Variants in DMD observed in about 807,000 individuals in gnomAD.
DMD encodes mutant dystrophin.
A neutral mutation model predicts 330.1 loss-of-function variants in DMD; 63 were observed. The ratio of observed to expected loss-of-function variants is 0.19; its 90% CI spans 0.16 to 0.24. The LOEUF is 0.24. Ranked by LOEUF, DMD falls within the 10% of genes least tolerant of loss-of-function variation. The pLI is 1.00. For missense variants in DMD, 3,344 were observed against 2,684.1 expected (o/e 1.25, Z -5.43); for synonymous variants, 1,223 against 959.8 (o/e 1.27, Z -5.07).
intron 15 of DMD, among the ~76,000 whole-genome samples, chrX:32,572,548 G>C (rs1452884035): frequency 4.9e-5 from 4 of 81,224 alleles, no homozygotes; most frequent in Non-Finnish European, 1.1e-4. Context: ...AGAAACTTTA[G>C]AGTTTTTTTT....
intron 2 of DMD, among the ~76,000 whole-genome samples, chrX:32,934,834 C>G (rs2089869152): frequency 1.8e-5 from 2 of 112,397 alleles, no homozygotes; most frequent in Non-Finnish European, 3.8e-5. Context: ...CATATCATTG[C>G]CTTTGATTTC....
At chrX:33,081,648 C>T (rs771727785) in intron 1 of DMD, among the ~76,000 whole-genome samples, 22 of 112,146 alleles carry the variant, frequency 2.0e-4, no homozygotes, top group African/African-American at 7.1e-4. Context: ...GTAATCAGCC[C>T]GTCCTTCATG....
Position 31,147,403 on chromosome X carries a change from C to T in DMD, c.10669G>A (p.Glu3557Lys). Residue 3557 changes from glutamate to lysine, a missense_variant, in exon 75 of 79, where the codon GAG becomes AAG. Transcript: ENST00000357033. ...PTSPQSPRDA[E>K]LIAEAKLLRQ... is the part of the protein sequence containing the mutation. ...AGTAGCTTGGCCTCAGCAATGAGCTCAGCATCCCGGGGACTCTGGGGAGAG... is the reference window on the plus strand; with the variant it reads ...AGTAGCTTGGCCTCAGCAATGAGCTTAGCATCCCGGGGACTCTGGGGAGAG... The T allele has an allele frequency of 8.3e-7, 1 of 1,210,078 alleles. No individual in the cohort carries two copies. Among genetic ancestry groups the T allele is most frequent in the African/African-American group, 1.7e-5 (1 of 57,290 alleles).
chrX:31,744,226 C>T (rs910970840), intron 51 of DMD, among the ~76,000 whole-genome samples: 2 of 111,086 alleles, frequency 1.8e-5, no homozygotes, highest in African/African-American at 3.3e-5. Context: ...ACAATAGTAA[C>T]ATCAAAGGTC....
At chrX:31,234,340 C>T (rs1177321657) in intron 63 of DMD, among the ~76,000 whole-genome samples, 1 of 112,696 alleles carries the variant, frequency 8.9e-6, no homozygotes, top group East Asian at 2.8e-4. Context: ...ACAGTTGTTA[C>T]TGGGTTTTCC....
intron 29 of DMD, among the ~76,000 whole-genome samples, chrX:32,415,520 G>A (rs1040505394): frequency 2.7e-5 from 3 of 112,387 alleles, no homozygotes; most frequent in Non-Finnish European, 5.6e-5. Flanking sequence ...TCAGGCTTAT[G>A]AATTTTCTGA....
chrX:32,502,824 T>C (rs962154276), intron 18 of DMD, among the ~76,000 whole-genome samples: 4 of 110,805 alleles, frequency 3.6e-5, no homozygotes, highest in Non-Finnish European at 5.7e-5. Flanking sequence ...GGAGTACAGA[T>C]GGGAGGGCAA....
chrX:32,513,176 A>G (rs2045517775), intron 18 of DMD, among the ~76,000 whole-genome samples: 1 of 108,388 alleles, frequency 9.2e-6, no homozygotes, highest in Non-Finnish European at 1.9e-5. Context: ...TTTATATTCA[A>G]CCAGAGAACA....
rs3838947 is a variant in DMD, at chrX:32,703,352, A to AT, written c.650-4060dup. Among the ~76,000 whole-genome samples, 372 of 111,466 alleles carry AT rather than the reference A, an allele frequency of 3.3e-3. 5 individuals are homozygous for AT. Among genetic ancestry groups the AT allele is most frequent in the Admixed American group, 0.029 (306 of 10,399 alleles). The stretch of plus-strand genomic sequence containing the variant: ...AACCTTAATACCATTACTATGTTGC[A>AT]TTTTTTTGTCATTTTTGTCATATTT... On this transcript the variant is annotated intron_variant, in intron 7 of 78. Coordinates refer to ENST00000357033, the MANE Select transcript of DMD (RefSeq NM_004006.3).
chrX:33,081,009 A>C (rs781202170), intron 1 of DMD, among the ~76,000 whole-genome samples: 127 of 88,063 alleles, frequency 1.4e-3, no homozygotes, highest in Admixed American at 3.9e-3. Context: ...CACACACACA[A>C]AAACACATGT....
chrX:32,895,426 G>T (rs2085617539), intron 2 of DMD, among the ~76,000 whole-genome samples: 1 of 112,273 alleles, frequency 8.9e-6, no homozygotes, highest in Admixed American at 9.4e-5. Flanking sequence ...AAATATAAAA[G>T]GAGAGCTGTA....
At position 32,697,993 on chromosome X, in the gene DMD, C is replaced by T. The variant is rs1800265; in HGVS notation, c.837G>A (p.Thr279=). 0.028 allele frequency: 33,855 copies of T among 1,189,000 alleles called. 5,191 individuals carry two copies. The African/African-American group carries it at 0.48, about 17-fold the overall frequency. The change falls in exon 9 of 79, where the codon ACG becomes ACA. Residue 279 remains threonine, a synonymous_variant. Transcript: ENST00000357033. ...TCTCATATCCCTGTGCTAGACTGACCGTGATCTGCAGAGAAGGGTTTGGGG... is the reference window on the plus strand; with the variant it reads ...TCTCATATCCCTGTGCTAGACTGACTGTGATCTGCAGAGAAGGGTTTGGGG... ...HHQMHYSQQI[T]VSLAQGYERT...
At chrX:31,452,445 T>C (rs1183587233) in intron 59 of DMD, among the ~76,000 whole-genome samples, 1 of 109,157 alleles carries the variant, frequency 9.2e-6, no homozygotes, top group African/African-American at 3.4e-5. Context: ...TAGCCGGGCA[T>C]GGTGGTGCAC....
At chrX:31,219,019 G>C (rs767916775) in intron 64 of DMD, among the ~76,000 whole-genome samples, 9 of 111,031 alleles carry the variant, frequency 8.1e-5, no homozygotes, top group Non-Finnish European at 1.3e-4. Flanking sequence ...CTATATCCTA[G>C]ATCTAATCAC....
intron 19 of DMD, 111 bp from the exon 20 acceptor site, chrX:32,491,629 A>C: frequency 1.4e-6 from 1 of 712,113 alleles, no homozygotes; most frequent in Non-Finnish European, 2.1e-6. Context: ...GAATGATTTC[A>C]AACCAGATCA....
At chrX:32,746,412 G>C (rs943446028) in intron 7 of DMD, among the ~76,000 whole-genome samples, 14 of 111,934 alleles carry the variant, frequency 1.3e-4, no homozygotes, top group Non-Finnish European at 2.4e-4. Flanking sequence ...TTAAGAAGCA[G>C]TGGTCTAGGG....
chrX:32,742,387 C>T (rs1217276836), intron 7 of DMD, among the ~76,000 whole-genome samples: 1 of 111,539 alleles, frequency 9.0e-6, no homozygotes, highest in African/African-American at 3.3e-5. Context: ...TCCATGAGAA[C>T]AAGGAATCAG....
chrX:32,204,599 A>G (rs1054738117), intron 44 of DMD, among the ~76,000 whole-genome samples: 8 of 111,691 alleles, frequency 7.2e-5, no homozygotes, highest in Non-Finnish European at 1.5e-4. Flanking sequence ...ACATACACAT[A>G]CAACTGTGTT....
intron 1 of DMD, among the ~76,000 whole-genome samples, chrX:33,133,232 T>C (rs2148548351): frequency 9.0e-6 from 1 of 111,438 alleles, no homozygotes; most frequent in Non-Finnish European, 1.9e-5. Context: ...CTATATGTAG[T>C]AGTACAAACC....
Sources: allele counts gnomAD v4.1 joint callset (sites outside exome capture counted in the v4.1 genomes callset), GRCh38; gene constraint gnomAD v4.1.1; transcripts MANE v1.5; gene names NCBI Gene and HGNC (gene_info 2026-07-23, HGNC 2026-07-21).